NRXN1: variants seen among roughly 807,000 people sequenced by gnomAD.
NRXN1 encodes neurexin-1.
In NRXN1, 39 loss-of-function variants were observed where a neutral mutation model predicts 150.9. The observed-to-expected ratio is 0.26, with a 90% confidence interval of 0.20 to 0.34. The LOEUF is 0.34. Ranked by LOEUF, NRXN1 falls within the 10% of genes least tolerant of loss-of-function variation. The probability of loss-of-function intolerance (pLI) is 1.00; values close to 1 mark genes in which losing one functional copy is unlikely to be tolerated. For synonymous variants in NRXN1, 924 were observed against 757.0 expected (o/e 1.22, Z -3.62); for missense variants, 1,815 against 1,949.9 (o/e 0.93, Z 1.30).
At position 49,920,763 on chromosome 2, in the gene NRXN1, G is replaced by A. The variant is rs1399529437; in HGVS notation, c.*1181C>T. On this transcript the variant is annotated 3_prime_UTR_variant, in exon 23 of 23. Transcript: ENST00000401669. ...GTGTGTGAAAATAGTGAATGTATGTGGGAATGTGAGTATTTCAGGGAGAAA... is the reference window on the plus strand; with the variant it reads ...GTGTGTGAAAATAGTGAATGTATGTAGGAATGTGAGTATTTCAGGGAGAAA... 1.3e-5 allele frequency: 2 copies of A among 151,914 alleles called. No individual in the cohort carries two copies. Among genetic ancestry groups the A allele is most frequent in the Non-Finnish European group, 2.9e-5 (2 of 67,994 alleles). 9.4% of individuals were successfully genotyped at this position (151,914 alleles called of 1,614,324 possible).
chr2:50,412,253 T>C (rs939824764), intron 17 of NRXN1, among the ~76,000 whole-genome samples: 1 of 152,022 alleles, frequency 6.6e-6, no homozygotes, highest in South Asian at 2.1e-4. Context: ...CCCTCCACTA[T>C]TGTCCTATGA....
chr2:50,114,056 T>G (rs1558906867), intron 18 of NRXN1, among the ~76,000 whole-genome samples: 3 of 151,846 alleles, frequency 2.0e-5, no homozygotes, highest in African/African-American at 7.3e-5. Context: ...ATTACAGATG[T>G]AAAAAAATAT....
intron 17 of NRXN1, among the ~76,000 whole-genome samples, chr2:50,445,583 A>G (rs2086329087): frequency 6.6e-6 from 1 of 152,186 alleles, no homozygotes; most frequent in Non-Finnish European, 1.5e-5. Flanking sequence ...GGGGAAGAAC[A>G]AGGACTTCTT....
chr2:50,570,953 G>T (rs1415689574), intron 8 of NRXN1, among the ~76,000 whole-genome samples: 1 of 152,112 alleles, frequency 6.6e-6, no homozygotes, highest in Non-Finnish European at 1.5e-5. Context: ...GAAAGAAGTG[G>T]TTTGGGTAGT....
At chr2:50,221,749 C>T (rs1210919524) in intron 18 of NRXN1, among the ~76,000 whole-genome samples, 2 of 152,028 alleles carry the variant, frequency 1.3e-5, no homozygotes, top group East Asian at 3.9e-4. Context: ...TACTTCCTTT[C>T]GATTTAATAT....
At position 50,494,089 on chromosome 2, in the gene NRXN1, T is replaced by A. The variant is rs974746526; in HGVS notation, c.3070+1816A>T. ...TATTACCTTCACTTCCATTTGTTAA[T>A]GAAAAATAAGCAGATATTTACTTCT... On this transcript the variant is annotated intron_variant, in intron 15 of 22. Transcript: ENST00000401669. 3.3e-5 allele frequency among the ~76,000 whole-genome samples: 5 copies of A among 152,220 alleles called. No individual in the cohort carries two copies. In the East Asian group the frequency reaches 7.7e-4, roughly 23 times the overall value.
At chr2:50,339,472 C>T (rs1044107343) in intron 17 of NRXN1, among the ~76,000 whole-genome samples, 3 of 152,132 alleles carry the variant, frequency 2.0e-5, no homozygotes, top group South Asian at 2.1e-4. Flanking sequence ...ACAACATATA[C>T]ATAACCACAT....
chr2:50,048,978 A>G (rs11125283), intron 21 of NRXN1, among the ~76,000 whole-genome samples: 105,607 of 151,950 alleles, frequency 0.7, 37,717 homozygotes, highest in African/African-American at 0.86. Context: ...GAAATAAGAT[A>G]AAAAGAAAAT....
At chr2:50,439,832 A>G (rs1199301323) in intron 17 of NRXN1, among the ~76,000 whole-genome samples, 3 of 149,350 alleles carry the variant, frequency 2.0e-5, no homozygotes, top group Admixed American at 2.0e-4. Context: ...AAAAAAAAAG[A>G]AAAGAAAGAT....
intron 2 of NRXN1, among the ~76,000 whole-genome samples, chr2:50,936,789 G>A (rs932099621): frequency 6.6e-6 from 1 of 151,894 alleles, no homozygotes; most frequent in Non-Finnish European, 1.5e-5. Context: ...ACTTTAAATA[G>A]GCCTAATAAT....
At chr2:50,647,877 C>G (rs777684470) in intron 5 of NRXN1, among the ~76,000 whole-genome samples, 2 of 151,722 alleles carry the variant, frequency 1.3e-5, no homozygotes, top group African/African-American at 2.4e-5. Context: ...TTAAGCTAAG[C>G]AAAATAAATG....
At chr2:50,198,009 T>C (rs1470512781) in intron 18 of NRXN1, among the ~76,000 whole-genome samples, 2 of 152,136 alleles carry the variant, frequency 1.3e-5, no homozygotes, top group African/African-American at 4.8e-5. Flanking sequence ...GCACTCTAAG[T>C]CTCAAGACAA....
intron 18 of NRXN1, among the ~76,000 whole-genome samples, chr2:50,151,952 T>C (rs1460742508): frequency 2.6e-5 from 4 of 151,818 alleles, no homozygotes; most frequent in Non-Finnish European, 4.4e-5. Flanking sequence ...TAATAATCTT[T>C]AGGAATTAAA....
At position 50,953,602 on chromosome 2, in the gene NRXN1, G is replaced by A. The variant is rs1691777506; in HGVS notation, c.773-27647C>T. Among the ~76,000 whole-genome samples, 6 of 151,200 alleles carry A rather than the reference G, an allele frequency of 4.0e-5. No homozygotes were observed. The South Asian group carries it at 1.3e-3, about 32-fold the overall frequency. ...GATGAAGTCTCGCTTTGTCACCCAGGCTGGAGTGCCATCGCATGATCTCGG... is the reference window on the plus strand; with the variant it reads ...GATGAAGTCTCGCTTTGTCACCCAGACTGGAGTGCCATCGCATGATCTCGG... On this transcript the variant is annotated intron_variant, in intron 2 of 22. Coordinates refer to ENST00000401669, the MANE Select transcript of NRXN1 (RefSeq NM_001330078.2).
chr2:50,136,611 T>C (rs752783359), intron 18 of NRXN1, among the ~76,000 whole-genome samples: 5 of 152,170 alleles, frequency 3.3e-5, no homozygotes, highest in Non-Finnish European at 5.9e-5. Context: ...CCCCGGGATG[T>C]ATTATACATT....
At chr2:50,652,660 T>C (rs558076611) in intron 5 of NRXN1, among the ~76,000 whole-genome samples, 8 of 152,212 alleles carry the variant, frequency 5.3e-5, no homozygotes, top group Admixed American at 3.3e-4. Context: ...TGTGAACATC[T>C]GTGAACGAAT....
At chr2:50,462,588 A>G (rs182843290) in intron 17 of NRXN1, among the ~76,000 whole-genome samples, 10 of 152,014 alleles carry the variant, frequency 6.6e-5, no homozygotes, top group Middle Eastern at 3.4e-3. Context: ...ACACACCTGC[A>G]TATCCACATA....
At chr2:50,048,425 A>T (rs1353352788) in intron 21 of NRXN1, among the ~76,000 whole-genome samples, 1 of 152,190 alleles carries the variant, frequency 6.6e-6, no homozygotes. Flanking sequence ...TAGCAAAGTT[A>T]CAGCTAAGGT....
intron 5 of NRXN1, among the ~76,000 whole-genome samples, chr2:50,662,433 C>T (rs1024389569): frequency 6.6e-6 from 1 of 152,016 alleles, no homozygotes; most frequent in Non-Finnish European, 1.5e-5. Flanking sequence ...ACAATTCCTA[C>T]AAAACCTATT....
Sources: allele counts gnomAD v4.1 joint callset (sites outside exome capture counted in the v4.1 genomes callset), GRCh38; gene constraint gnomAD v4.1.1; transcripts MANE v1.5; gene names NCBI Gene and HGNC (gene_info 2026-07-23, HGNC 2026-07-21).